Variants in TENM2 observed in about 807,000 individuals in gnomAD.
The protein encoded by TENM2 is teneurin transmembrane protein 2.
TENM2 carries 52 observed loss-of-function variants against 245.2 expected under a neutral mutation model. The ratio of observed to expected loss-of-function variants is 0.21; its 90% confidence interval spans 0.17 to 0.27. The LOEUF (loss-of-function observed/expected upper bound fraction) is 0.27. TENM2 is among the 10% of genes least tolerant of loss of function. The probability of loss-of-function intolerance (pLI) is 1.00; values close to 1 mark genes in which losing one functional copy is unlikely to be tolerated. For missense variants in TENM2, 3,046 were observed against 3,666.8 expected (o/e 0.83, Z 4.37); for synonymous variants, 1,363 against 1,438.9 (o/e 0.95, Z 1.19).
At chr5:167,240,066 G>T in the TENM2 span, among the ~76,000 whole-genome samples, 1 of 152,196 alleles carries the variant, frequency 6.6e-6, no homozygotes, top group East Asian at 1.9e-4. Flanking sequence ...GAGCCATTAT[G>T]CCCAGCCTTT....
chr5:167,548,263 CT>C (rs1772695165), intron 2 of TENM2, among the ~76,000 whole-genome samples: 1 of 152,104 alleles, frequency 6.6e-6, no homozygotes, highest in South Asian at 2.1e-4. Context: ...TGTTGACAGA[CT>C]TTTTTCTTAT....
chr5:168,230,954 A>G (rs961055127), intron 25 of TENM2: 3 of 152,260 alleles, frequency 2.0e-5, no homozygotes, highest in Admixed American at 6.5e-5. Flanking sequence ...TGGGCGTAAC[A>G]CATCGCAGTC....
intron 2 of TENM2, among the ~76,000 whole-genome samples, chr5:167,642,057 C>G (rs781281726): frequency 3.3e-5 from 5 of 151,166 alleles, no homozygotes; most frequent in Non-Finnish European, 7.4e-5. Flanking sequence ...AGGAGATTCG[C>G]TTGAACCCAG....
chr5:168,061,221 T>C (rs182791772), intron 6 of TENM2, among the ~76,000 whole-genome samples: 24 of 152,320 alleles, frequency 1.6e-4, no homozygotes, highest in East Asian at 3.9e-4. Flanking sequence ...AGACTTTTTT[T>C]CCCCATTTTA....
intron 5 of TENM2, among the ~76,000 whole-genome samples, chr5:168,043,082 G>C (rs755157949): frequency 2.0e-5 from 3 of 152,156 alleles, no homozygotes; most frequent in Non-Finnish European, 4.4e-5. Flanking sequence ...AGATGATTTG[G>C]ACCAGGCCTT....
intron 13 of TENM2, among the ~76,000 whole-genome samples, chr5:168,180,124 A>C (rs967937318): frequency 6.6e-6 from 1 of 152,204 alleles, no homozygotes; most frequent in Admixed American, 6.5e-5. Context: ...TGAGACTGCC[A>C]CTTGTGACTA....
chr5:167,547,895 T>C (rs140532403), intron 2 of TENM2, among the ~76,000 whole-genome samples: 62 of 152,340 alleles, frequency 4.1e-4, no homozygotes, highest in African/African-American at 1.3e-3. Context: ...TAAGAACACA[T>C]TGGCATCTAT....
chr5:167,215,024 T>C, the TENM2 span, among the ~76,000 whole-genome samples: 16 of 152,202 alleles, frequency 1.1e-4, no homozygotes, highest in Non-Finnish European at 1.6e-4. Context: ...TCTCTAGGAA[T>C]TTTTCATCTT....
chr5:167,970,675 A>G (rs1781712495), intron 4 of TENM2, among the ~76,000 whole-genome samples: 1 of 152,196 alleles, frequency 6.6e-6, no homozygotes, highest in African/African-American at 2.4e-5. Context: ...TGCAGGGGTC[A>G]GATAGCTCCA....
chr5:168,003,562 A>C (rs1784579743), intron 5 of TENM2, among the ~76,000 whole-genome samples: 1 of 152,204 alleles, frequency 6.6e-6, no homozygotes, highest in African/African-American at 2.4e-5. Flanking sequence ...TAGGAGGGGA[A>C]AATGGCACCC....
chr5:167,883,861 C>A (rs1162731580), intron 3 of TENM2, among the ~76,000 whole-genome samples: 3 of 152,196 alleles, frequency 2.0e-5, no homozygotes, highest in African/African-American at 7.2e-5. Context: ...AGGGATGTCT[C>A]AATTCTTGGG....
At chr5:167,630,857 G>T (rs1245505945) in intron 2 of TENM2, among the ~76,000 whole-genome samples, 1 of 152,206 alleles carries the variant, frequency 6.6e-6, no homozygotes, top group Non-Finnish European at 1.5e-5. Flanking sequence ...CCCAGAGTGG[G>T]AAATTGTCAC....
At chr5:167,640,966 C>A (rs993255104) in intron 2 of TENM2, among the ~76,000 whole-genome samples, 5 of 140,546 alleles carry the variant, frequency 3.6e-5, no homozygotes, top group African/African-American at 1.3e-4. Flanking sequence ...ATCACCACCA[C>A]CTGAAAACTT....
chr5:167,114,736 A>C, the TENM2 span, among the ~76,000 whole-genome samples: 7 of 152,214 alleles, frequency 4.6e-5, no homozygotes, highest in African/African-American at 1.2e-4. Context: ...AGTCATGTTA[A>C]TGGATTCCAT....
Position 167,970,443 on chromosome 5 carries a change from G to A in TENM2, c.947+17621G>A, listed in dbSNP as rs80084720. Among the ~76,000 whole-genome samples the A allele has an allele frequency of 4.3e-4, 66 of 152,318 alleles. No individual in the cohort carries two copies. The East Asian group carries it at 0.011, about 26-fold the overall frequency. ...ACCAGTGCTCTTTATGAGGGCTCAT[G>A]ATGAGAAAGTTAACTCAAAACATCT... On this transcript the variant is annotated intron_variant, in intron 4 of 28. Transcript: ENST00000518659.
At chr5:167,376,524 A>C (rs910698906) in intron 2 of TENM2, among the ~76,000 whole-genome samples, 1 of 152,234 alleles carries the variant, frequency 6.6e-6, no homozygotes, top group Non-Finnish European at 1.5e-5. Flanking sequence ...AATATCATTT[A>C]ATCTCAAAAC....
At chr5:168,159,285 C>A (rs1182392223) in intron 12 of TENM2, among the ~76,000 whole-genome samples, 1 of 152,188 alleles carries the variant, frequency 6.6e-6, no homozygotes, top group Non-Finnish European at 1.5e-5. Context: ...GCAGCCAGCT[C>A]TCTCTAGCTC....
chr5:167,838,626 C>A (rs1360319444), intron 2 of TENM2, among the ~76,000 whole-genome samples: 1 of 152,198 alleles, frequency 6.6e-6, no homozygotes, highest in African/African-American at 2.4e-5. Context: ...CTCACCTCCT[C>A]CTAAAAACTC....
At chr5:168,146,930 C>T (rs982981650) in intron 12 of TENM2, among the ~76,000 whole-genome samples, 2 of 152,166 alleles carry the variant, frequency 1.3e-5, no homozygotes, top group Non-Finnish European at 2.9e-5. Flanking sequence ...ATCAGGGGAC[C>T]CCCCCTTCAC....
Sources: gnomAD v4.1 joint callset for allele counts (sites outside exome capture counted in the v4.1 genomes callset) on GRCh38, gnomAD v4.1.1 for gene constraint, MANE v1.5 for transcripts, NCBI Gene and HGNC (gene_info 2026-07-23, HGNC 2026-07-21) for gene names.